BMP6: variants seen among roughly 807,000 people sequenced by gnomAD.
BMP6 encodes bone morphogenetic protein 6, also known as VG-1-R.
Under a neutral mutation model 54.1 loss-of-function variants are expected in BMP6, and 17 were observed. The ratio of observed to expected loss-of-function variants is 0.31; its 90% CI spans 0.22 to 0.47. The LOEUF is 0.47. Among genes scored for constraint, BMP6 ranks in the 20% least tolerant of loss-of-function variants. The pLI, the probability that BMP6 is intolerant of heterozygous loss-of-function variation, is 1.00. For synonymous variants in BMP6, 328 were observed against 291.2 expected (o/e 1.13, Z -1.28); for missense variants, 720 against 690.4 (o/e 1.04, Z -0.48).
chr6:7,727,645 C>G (rs187026597), intron 1 of BMP6, 26 bp downstream of exon 1: 2 of 1,501,578 alleles, frequency 1.3e-6, no homozygotes, highest in African/African-American at 2.9e-5. Flanking sequence ...AACGTAATGA[C>G]GAGAACATTT....
intron 1 of BMP6, among the ~76,000 whole-genome samples, chr6:7,839,572 T>G (rs749813620): frequency 3.3e-5 from 5 of 152,230 alleles, no homozygotes; most frequent in Non-Finnish European, 5.9e-5. Flanking sequence ...TATTTGTCCT[T>G]TTGTGGGTGG....
At chr6:7,839,669 A>G (rs1303577499) in intron 1 of BMP6, among the ~76,000 whole-genome samples, 1 of 152,218 alleles carries the variant, frequency 6.6e-6, no homozygotes, top group African/African-American at 2.4e-5. Flanking sequence ...AGAGTATTCC[A>G]TCATAGGTCT....
chr6:7,746,053 G>A (rs1757341449), intron 1 of BMP6, among the ~76,000 whole-genome samples: 1 of 152,158 alleles, frequency 6.6e-6, no homozygotes, highest in Non-Finnish European at 1.5e-5. Flanking sequence ...GGCTGAGCGT[G>A]GAAAGAGAAT....
At position 7,862,177 on chromosome 6, in the gene BMP6, T is replaced by A. The variant is rs763892876; in HGVS notation, c.1007-124T>A. 150 of 1,184,978 alleles carry A rather than the reference T, an allele frequency of 1.3e-4. 1 individual carries two copies. The highest frequency in any genetic ancestry group is 1.8e-4 in the South Asian group (13 of 71,710). 73.4% of individuals were successfully genotyped at this position (1,184,978 alleles called of 1,614,324 possible). ...AGGCAAGGTTTGGGGATACATGATC[T>A]TCTTCTTCACACTCATTCTTAAGGA... On this transcript the variant is annotated intron_variant, in intron 3 of 6. Coordinates refer to ENST00000283147, the MANE Select transcript of BMP6 (RefSeq NM_001718.6).
intron 1 of BMP6, among the ~76,000 whole-genome samples, chr6:7,729,164 T>C (rs541072201): frequency 6.6e-6 from 1 of 152,318 alleles, no homozygotes; most frequent in Non-Finnish European, 1.5e-5. Context: ...CCAGGAAGCA[T>C]TCTAAGGAAA....
chr6:7,756,114 G>A (rs1360222011), intron 1 of BMP6, among the ~76,000 whole-genome samples: 1 of 151,806 alleles, frequency 6.6e-6, no homozygotes, highest in African/African-American at 2.4e-5. Context: ...GTCACTTTTT[G>A]GCTTTCCTCT....
At chr6:7,872,119 C>T (rs449853) in intron 4 of BMP6, among the ~76,000 whole-genome samples, 62,892 of 151,918 alleles carry the variant, frequency 0.41, 13,657 homozygotes, top group East Asian at 0.77. Flanking sequence ...GGTGAATCCA[C>T]TGGGGCAAAG....
chr6:7,777,249 C>G (rs1757875261), intron 1 of BMP6, among the ~76,000 whole-genome samples: 1 of 152,322 alleles, frequency 6.6e-6, no homozygotes, highest in East Asian at 1.9e-4. Flanking sequence ...CGGATTAGCC[C>G]TAGTGGTGGC....
intron 1 of BMP6, among the ~76,000 whole-genome samples, chr6:7,777,120 T>C (rs1395711755): frequency 6.6e-6 from 1 of 152,220 alleles, no homozygotes; most frequent in Non-Finnish European, 1.5e-5. Context: ...GGAGTTCATA[T>C]GCCATGATCT....
intron 4 of BMP6, among the ~76,000 whole-genome samples, chr6:7,870,197 GGA>G (rs1759499821): frequency 6.6e-6 from 1 of 152,234 alleles, no homozygotes; most frequent in African/African-American, 2.4e-5. Context: ...CTGGGGCTTG[GGA>G]GAGGGATTTC....
At chr6:7,844,248 A>G (rs963301528) in intron 1 of BMP6, among the ~76,000 whole-genome samples, 4 of 152,172 alleles carry the variant, frequency 2.6e-5, no homozygotes, top group African/African-American at 7.2e-5. Context: ...ATACAAATGC[A>G]TTTATGCACA....
intron 1 of BMP6, among the ~76,000 whole-genome samples, chr6:7,768,757 G>A (rs1356606816): frequency 6.6e-6 from 1 of 152,150 alleles, no homozygotes; most frequent in African/African-American, 2.4e-5. Context: ...TAAGAGTGCC[G>A]ATTTAATCAA....
intron 1 of BMP6, among the ~76,000 whole-genome samples, chr6:7,817,724 TA>T (rs886941239): frequency 2.1e-4 from 32 of 150,670 alleles, no homozygotes; most frequent in African/African-American, 6.1e-4. Flanking sequence ...AAAGTATAAT[TA>T]AAAAAAAAAA....
rs567432432 is a variant in BMP6, at chr6:7,880,917, C to G, written c.*574C>G. ...CAGTCATTGCTGTTGTATGTTCGTG[C>G]TGGAGTTTTGTTGGTGTGAAAATAC... On this transcript the variant is annotated 3_prime_UTR_variant, in exon 7 of 7. Transcript: ENST00000283147. 2.3e-4 allele frequency: 35 copies of G among 154,988 alleles called. No individual in the cohort carries two copies. The allele number at this position is 154,988 out of a possible 1,614,324, so 9.6% of individuals were successfully genotyped here. A position where few individuals can be genotyped will look rare whatever the true frequency, so the allele number is the denominator to read the frequency against.
chr6:7,848,395 A>G (rs1759097816), intron 2 of BMP6, among the ~76,000 whole-genome samples: 1 of 152,196 alleles, frequency 6.6e-6, no homozygotes, highest in South Asian at 2.1e-4. Context: ...TTAGCATTTC[A>G]GCAGACCACG....
intron 1 of BMP6, among the ~76,000 whole-genome samples, chr6:7,771,646 A>G (rs1306127661): frequency 1.3e-5 from 2 of 152,090 alleles, no homozygotes; most frequent in Admixed American, 1.3e-4. Context: ...CTGGCCTCTC[A>G]GCAGCATTCT....
At chr6:7,877,355 C>A (rs1301424863) in intron 4 of BMP6, among the ~76,000 whole-genome samples, 1 of 152,186 alleles carries the variant, frequency 6.6e-6, no homozygotes, top group Non-Finnish European at 1.5e-5. Flanking sequence ...GGCATGGTGG[C>A]TCACACCTGT....
At chr6:7,777,589 A>C (rs1433071024) in intron 1 of BMP6, among the ~76,000 whole-genome samples, 3 of 152,020 alleles carry the variant, frequency 2.0e-5, no homozygotes, top group African/African-American at 7.3e-5. Flanking sequence ...TGGTGTTTGT[A>C]GATTTGAGAA....
At chr6:7,790,232 A>C (rs1374635251) in intron 1 of BMP6, among the ~76,000 whole-genome samples, 2 of 152,110 alleles carry the variant, frequency 1.3e-5, no homozygotes, top group African/African-American at 4.8e-5. Context: ...AACACACACA[A>C]GGCTGGGTGC....
Sources: allele counts gnomAD v4.1 joint callset (sites outside exome capture counted in the v4.1 genomes callset), GRCh38; gene constraint gnomAD v4.1.1; transcripts MANE v1.5; gene names NCBI Gene and HGNC (gene_info 2026-07-23, HGNC 2026-07-21).